PLD5: variants seen among roughly 807,000 people sequenced by gnomAD.
PLD5 encodes phospholipase D family member 5.
PLD5 carries 36 observed loss-of-function variants against 61.1 expected under a neutral mutation model. That is an observed-to-expected ratio of 0.59 (90% confidence interval 0.45 to 0.78). The LOEUF is 0.78. Among genes scored for constraint, PLD5 ranks in the 30% least tolerant of loss-of-function variants. PLD5 has a pLI of 0.00. For missense variants in PLD5, 515 were observed against 644.4 expected (o/e 0.80, Z 2.17); for synonymous variants, 243 against 242.8 (o/e 1.00, Z -0.01).
intron 4 of PLD5, among the ~76,000 whole-genome samples, chr1:242,224,116 A>G (rs1670778663): frequency 6.6e-6 from 1 of 152,180 alleles, no homozygotes; most frequent in South Asian, 2.1e-4. Flanking sequence ...TATGTGCATA[A>G]CCTAAATTTG....
rs561452003 is a variant in PLD5, at chr1:242,255,143, A to G, written c.607+10194T>C. 3.3e-5 allele frequency among the ~76,000 whole-genome samples: 5 copies of G among 152,246 alleles called. No homozygotes were observed. The East Asian group carries it at 9.6e-4, about 29-fold the overall frequency. Reference sequence around the variant, plus strand: ...AAGCAGCTTCATAAGTCCCCTGTCCAGAGGATTCCACATTCATGATAACCA... The same window carrying G: ...AAGCAGCTTCATAAGTCCCCTGTCCGGAGGATTCCACATTCATGATAACCA... On this transcript the variant is annotated intron_variant, in intron 4 of 9. Transcript: ENST00000536534.
rs148276470 is a variant in PLD5 at position 242,316,235 on chromosome 1, C to T, written c.327-27705G>A. Among the ~76,000 whole-genome samples the T allele has an allele frequency of 2.0e-3, 309 of 152,282 alleles. 1 individual carries two copies. The highest frequency in any genetic ancestry group is 7.1e-3 in the African/African-American group (296 of 41,554). ...TTTACTGTATTTTAAGCACAAAGCA[C>T]GCATAAAATGAGTGCCCATTTTGGG... On this transcript the variant is annotated intron_variant, in intron 2 of 9. Transcript: ENST00000536534.
intron 5 of PLD5, among the ~76,000 whole-genome samples, chr1:242,128,017 G>A (rs192242575): frequency 5.3e-5 from 8 of 152,208 alleles, no homozygotes; most frequent in East Asian, 1.9e-4. Flanking sequence ...TTGCTCACAC[G>A]TGGCAAACAC....
chr1:242,155,743 A>G (rs1213117594), intron 5 of PLD5, among the ~76,000 whole-genome samples: 1 of 152,062 alleles, frequency 6.6e-6, no homozygotes, highest in Non-Finnish European at 1.5e-5. Context: ...ATTCTTTTGC[A>G]TTTGCTGAGG....
chr1:242,367,660 A>G (rs569132832), intron 1 of PLD5, among the ~76,000 whole-genome samples: 1 of 152,268 alleles, frequency 6.6e-6, no homozygotes, highest in African/African-American at 2.4e-5. Context: ...ATACGCAAAC[A>G]TAGAGGTGGG....
At chr1:242,267,146 A>AG (rs1553339015) in intron 3 of PLD5, among the ~76,000 whole-genome samples, 2 of 151,524 alleles carry the variant, frequency 1.3e-5, no homozygotes, top group Non-Finnish European at 2.9e-5. Context: ...ACAAAAAAAA[A>AG]AGAGAGAGAA....
intron 1 of PLD5, among the ~76,000 whole-genome samples, chr1:242,506,476 C>T (rs1013650423): frequency 1.3e-5 from 2 of 152,078 alleles, no homozygotes; most frequent in African/African-American, 4.8e-5. Context: ...GGGTTAAGGA[C>T]TGCAGCGTGA....
intron 1 of PLD5, among the ~76,000 whole-genome samples, chr1:242,499,635 G>A (rs1308988079): frequency 6.6e-6 from 1 of 152,078 alleles, no homozygotes; most frequent in African/African-American, 2.4e-5. Flanking sequence ...GCAATAAGAT[G>A]GGCTACACAG....
At chr1:242,248,175 T>C (rs1558395007) in intron 4 of PLD5, among the ~76,000 whole-genome samples, 8 of 152,264 alleles carry the variant, frequency 5.3e-5, no homozygotes, top group Non-Finnish European at 8.8e-5. Flanking sequence ...AAAGTTCTTT[T>C]ATCTGAGGAA....
intron 2 of PLD5, among the ~76,000 whole-genome samples, chr1:242,297,511 C>T (rs1675752656): frequency 6.6e-6 from 1 of 151,374 alleles, no homozygotes; most frequent in East Asian, 1.9e-4. Context: ...TTCAAGTGAT[C>T]CTTCTGCCTT....
intron 5 of PLD5, among the ~76,000 whole-genome samples, chr1:242,194,000 C>T (rs1035120431): frequency 6.6e-6 from 1 of 152,148 alleles, no homozygotes; most frequent in Non-Finnish European, 1.5e-5. Flanking sequence ...AAACAAAATA[C>T]ATCTCTTGAA....
At chr1:242,148,082 G>A (rs1416971542) in intron 5 of PLD5, among the ~76,000 whole-genome samples, 3 of 151,858 alleles carry the variant, frequency 2.0e-5, no homozygotes, top group African/African-American at 7.3e-5. Flanking sequence ...TTTAAGCTAA[G>A]AAATCTTTGC....
chr1:242,490,529 A>G (rs1157560170), intron 1 of PLD5, among the ~76,000 whole-genome samples: 1 of 152,180 alleles, frequency 6.6e-6, no homozygotes, highest in Non-Finnish European at 1.5e-5. Context: ...TCTTAATAAC[A>G]TATATTTTTA....
chr1:242,204,403 C>T (rs761694628), intron 5 of PLD5, among the ~76,000 whole-genome samples: 10 of 152,166 alleles, frequency 6.6e-5, no homozygotes, highest in East Asian at 1.9e-4. Context: ...TCAAGGGATA[C>T]GGCCACTAGT....
chr1:242,278,115 C>T (rs1674513217), intron 3 of PLD5, among the ~76,000 whole-genome samples: 1 of 152,154 alleles, frequency 6.6e-6, no homozygotes, highest in Non-Finnish European at 1.5e-5. Context: ...TGGTTTCTCT[C>T]TCATTTCTCC....
chr1:242,358,034 G>T (rs1660855284), intron 1 of PLD5, among the ~76,000 whole-genome samples: 1 of 151,734 alleles, frequency 6.6e-6, no homozygotes, highest in Non-Finnish European at 1.5e-5. Flanking sequence ...AGTCTTTATT[G>T]CATTTTTCAG....
intron 2 of PLD5, among the ~76,000 whole-genome samples, chr1:242,302,524 C>A (rs1161969010): frequency 8.7e-6 from 1 of 114,422 alleles, no homozygotes; most frequent in African/African-American, 3.4e-5. Flanking sequence ...GTAAGACCAG[C>A]CTGGTCAACA....
At chr1:242,407,593 GCT>G (rs1346578736) in intron 1 of PLD5, among the ~76,000 whole-genome samples, 1 of 111,688 alleles carries the variant, frequency 9.0e-6, no homozygotes, top group Non-Finnish European at 1.9e-5. Context: ...ACGGAGTTTT[GCT>G]CTGTCACCCA....
At chr1:242,186,614 T>C (rs1487816572) in intron 5 of PLD5, among the ~76,000 whole-genome samples, 1 of 152,116 alleles carries the variant, frequency 6.6e-6, no homozygotes, top group Admixed American at 6.5e-5. Flanking sequence ...AAATGAGAGA[T>C]ACTGTATTTC....
Sources: allele counts gnomAD v4.1 joint callset (sites outside exome capture counted in the v4.1 genomes callset), GRCh38; gene constraint gnomAD v4.1.1; transcripts MANE v1.5; gene names NCBI Gene and HGNC (gene_info 2026-07-23, HGNC 2026-07-21).